The following BANP variants were observed in gnomAD, a reference collection of about 807,000 sequenced individuals.
BANP encodes BTG3 associated nuclear protein.
In BANP, 11 loss-of-function variants were observed where a neutral mutation model predicts 68.1. The observed-to-expected ratio is 0.16, with a 90% CI of 0.10 to 0.27. BANP has a LOEUF of 0.27. BANP is among the 10% of genes least tolerant of loss of function. BANP has a pLI of 1.00. For missense variants in BANP, 504 were observed against 722.7 expected, an observed-to-expected ratio of 0.70 and a Z score of 3.47; for synonymous variants, 329 against 303.2, an observed-to-expected ratio of 1.09 and a Z score of -0.88.
intron 7 of BANP, among the ~76,000 whole-genome samples, chr16:88,021,993 AAGAG>A (rs1257534063): frequency 6.6e-6 from 1 of 152,096 alleles, no homozygotes; most frequent in African/African-American, 2.4e-5. Context: ...AGGTTATTGA[AAGAG>A]GGAGAGAGAG....
chr16:88,026,359 C>T (rs551662902), intron 7 of BANP, among the ~76,000 whole-genome samples: 258 of 152,304 alleles, frequency 1.7e-3, no homozygotes, highest in South Asian at 8.5e-3. Context: ...TCGGGAATGA[C>T]ATAAGCAAGC....
intron 7 of BANP, among the ~76,000 whole-genome samples, chr16:88,021,403 AGCT>A (rs1285097393): frequency 6.6e-6 from 1 of 151,862 alleles, no homozygotes; most frequent in Non-Finnish European, 1.5e-5. Context: ...TCTAGAGCCG[AGCT>A]TTGGGAAGGT....
chr16:88,074,475 G>A (rs186928257), intron 13 of BANP, among the ~76,000 whole-genome samples: 8 of 152,160 alleles, frequency 5.3e-5, no homozygotes, highest in African/African-American at 9.6e-5. Flanking sequence ...GTCTTAATGC[G>A]CGGTGGCCTG....
chr16:88,018,523 A>T lies in BANP; in HGVS notation c.751A>T (p.Thr251Ser). The T allele has an allele frequency of 1.2e-6, 2 of 1,613,472 alleles. No individual in the cohort carries two copies. The highest frequency in any genetic ancestry group is 1.7e-6 in the Non-Finnish European group (2 of 1,180,000). ...CCCCTCCGACATGCTGCACATCAGCACCAACTGCCGCACGGCCGAGAAGAT... is the reference window on the plus strand; with the variant it reads ...CCCCTCCGACATGCTGCACATCAGCTCCAACTGCCGCACGGCCGAGAAGAT... Reference protein sequence around the residue: ...IIPSDMLHISTNCRTAEKMAL... With the variant: ...IIPSDMLHISSNCRTAEKMAL... Residue 251 changes from threonine to serine, a missense_variant, in exon 7 of 14, where the codon ACC becomes TCC. This residue lies in a region of BANP where 43 missense variants were observed against 197.7 expected (regional missense o/e 0.22). Transcript: ENST00000682872. This position sits in a 1 kb window ranked among gnomAD's most constrained non-coding sequence, Gnocchi z 7.7.
At chr16:88,041,610 C>T (rs758784515) in intron 11 of BANP, among the ~76,000 whole-genome samples, 13 of 152,328 alleles carry the variant, frequency 8.5e-5, no homozygotes, top group Non-Finnish European at 1.5e-4. Flanking sequence ...TCTGCCATTA[C>T]GTCTCTGTCT....
intron 12 of BANP, among the ~76,000 whole-genome samples, chr16:88,069,734 G>T (rs764408769): frequency 1.3e-5 from 2 of 152,156 alleles, no homozygotes; most frequent in African/African-American, 4.8e-5. Flanking sequence ...ACTTCACAAC[G>T]CTCTGCTCCT....
chr16:88,020,636 G>A (rs1176291568), intron 7 of BANP, among the ~76,000 whole-genome samples: 2 of 152,222 alleles, frequency 1.3e-5, no homozygotes, highest in African/African-American at 4.8e-5. Flanking sequence ...CTTTGGAGAG[G>A]ATGGTGGTGT....
At chr16:88,027,153 G>A (rs1013614462) in intron 7 of BANP, among the ~76,000 whole-genome samples, 3 of 152,262 alleles carry the variant, frequency 2.0e-5, no homozygotes, top group African/African-American at 2.4e-5. Context: ...AAGTTGGGGC[G>A]TGGAAGGTCT....
chr16:87,987,021 A>T (rs1018639275), intron 4 of BANP, among the ~76,000 whole-genome samples: 3 of 152,256 alleles, frequency 2.0e-5, no homozygotes, highest in Non-Finnish European at 4.4e-5. Flanking sequence ...ATAGGATAAA[A>T]GTATATTCTA....
At chr16:88,072,979 C>T (rs1292965396) in intron 13 of BANP, among the ~76,000 whole-genome samples, 1 of 152,234 alleles carries the variant, frequency 6.6e-6, no homozygotes, top group Non-Finnish European at 1.5e-5. Flanking sequence ...TGTTCCGCTC[C>T]TTTCTGTGGA....
At chr16:88,007,060 G>A (rs2071434911) in intron 6 of BANP, among the ~76,000 whole-genome samples, 1 of 151,620 alleles carries the variant, frequency 6.6e-6, no homozygotes, top group African/African-American at 2.4e-5. Flanking sequence ...GGGTTTTTTG[G>A]TGCACATTTT....
chr16:88,072,399 G>A (rs987133588), intron 13 of BANP, among the ~76,000 whole-genome samples, 187 bp downstream of exon 13: 5 of 152,274 alleles, frequency 3.3e-5, no homozygotes, highest in Non-Finnish European at 7.3e-5. Flanking sequence ...TGAGAAGGTA[G>A]ATCCTGCCCC....
At chr16:88,022,955 C>T (rs1275637926) in intron 7 of BANP, among the ~76,000 whole-genome samples, 1 of 152,144 alleles carries the variant, frequency 6.6e-6, no homozygotes, top group Non-Finnish European at 1.5e-5. Flanking sequence ...ATTCTGGGGT[C>T]CTGGACCAGG....
chr16:87,961,356 G>T (rs946614351), intron 1 of BANP, among the ~76,000 whole-genome samples: 3 of 151,558 alleles, frequency 2.0e-5, no homozygotes, highest in Admixed American at 1.3e-4. Context: ...TAGAGACAGG[G>T]TTTTGCTGTG....
rs2091703441 is a variant in BANP, at chr16:88,076,864, T to TG, written c.*203_*204insG. 1.8e-6 allele frequency: 1 copy of TG among 569,256 alleles called. No individual in the cohort carries two copies. Among genetic ancestry groups the TG allele is most frequent in the East Asian group, 3.0e-5 (1 of 33,754 alleles). 35.3% of individuals were successfully genotyped at this position (569,256 alleles called of 1,614,324 possible). A position where few individuals can be genotyped will look rare whatever the true frequency, so the allele number is the denominator to read the frequency against. On this transcript the variant is annotated 3_prime_UTR_variant, in exon 14 of 14. Transcript: ENST00000682872. ...GCCCCCAGCCGGAGACCCCTTTCGT[T>TG]TGAGTCCTGCTGTTGGTGTCGGAGC...
intron 6 of BANP, chr16:88,017,292 G>A (rs558860114): frequency 9.2e-5 from 14 of 152,504 alleles, no homozygotes; most frequent in Admixed American, 8.5e-4. Context: ...AGGTATTCAG[G>A]TTTCTACCCT....
chr16:87,988,437 T>TG (rs1211318785), intron 4 of BANP, among the ~76,000 whole-genome samples: 9 of 152,054 alleles, frequency 5.9e-5, no homozygotes. Context: ...CTAATTTTTT[T>TG]TTTTTTTAAA....
In BANP at chr16:88,071,238, A is replaced by G; in HGVS notation, c.1378-831A>G. Reference sequence around the variant, plus strand: ...TCCTGGCCCTCCCGTAGTGGGGTGCAACCCCAAGTGAAGACCCCGTGGCTC... The same window carrying G: ...TCCTGGCCCTCCCGTAGTGGGGTGCGACCCCAAGTGAAGACCCCGTGGCTC... On this transcript the variant is annotated intron_variant, in intron 12 of 13. Coordinates refer to ENST00000682872, the MANE Select transcript of BANP (RefSeq NM_001386991.1). This position sits in a 1 kb window ranked among gnomAD's most constrained non-coding sequence, Gnocchi z 6.5. 2.8e-6 allele frequency: 1 copy of G among 352,502 alleles called. No homozygotes were observed. The highest frequency in any genetic ancestry group is 5.6e-6 in the Non-Finnish European group (1 of 178,900). The allele number at this position is 352,502 out of a possible 1,614,324, so 21.8% of individuals were successfully genotyped here.
At chr16:87,987,044 T>C (rs1419025990) in intron 4 of BANP, among the ~76,000 whole-genome samples, 2 of 152,220 alleles carry the variant, frequency 1.3e-5, no homozygotes, top group African/African-American at 2.4e-5. Flanking sequence ...TAAAATCCTA[T>C]TTAAAATATA....
Sources: gnomAD v4.1 joint callset for allele counts (sites outside exome capture counted in the v4.1 genomes callset) on GRCh38, gnomAD v4.1.1 for gene constraint, gnomAD v4.1.1 regional missense constraint, Gnocchi (gnomAD v3.1) non-coding constraint, MANE v1.5 for transcripts, NCBI Gene and HGNC (gene_info 2026-07-23, HGNC 2026-07-21) for gene names.